Variants in WWOX observed in about 807,000 individuals in gnomAD.
WWOX encodes the protein WW domain containing oxidoreductase.
WWOX carries 69 observed loss-of-function variants against 46.2 expected under a neutral mutation model. That is an observed-to-expected ratio of 1.49 (90% CI 1.23 to 1.82). WWOX has a LOEUF of 1.82. Ranked by LOEUF, WWOX falls within the 40% of genes most tolerant of loss-of-function variation. WWOX has a pLI of 0.00. For synonymous variants in WWOX, 359 were observed against 202.6 expected, an observed-to-expected ratio of 1.77 and a Z score of -6.56; for missense variants, 919 against 542.6, an observed-to-expected ratio of 1.69 and a Z score of -6.89.
chr16:78,677,039 T>C (rs899452098), intron 8 of WWOX, among the ~76,000 whole-genome samples: 2 of 149,076 alleles, frequency 1.3e-5, no homozygotes, highest in Middle Eastern at 3.4e-3. Flanking sequence ...AAGCAGTTTT[T>C]ATGAATACCT....
intron 8 of WWOX, among the ~76,000 whole-genome samples, chr16:78,748,909 G>A (rs1199430548): frequency 6.6e-6 from 1 of 152,224 alleles, no homozygotes; most frequent in Non-Finnish European, 1.5e-5. Flanking sequence ...CTGACACATG[G>A]TCTCTTATTT....
chr16:78,773,737 G>C (rs1249718435), intron 8 of WWOX, among the ~76,000 whole-genome samples: 2 of 152,218 alleles, frequency 1.3e-5, no homozygotes, highest in African/African-American at 4.8e-5. Context: ...GGAGTCCCTG[G>C]AAGGTGGGCA....
chr16:78,789,861 A>G (rs1367901096), intron 8 of WWOX, among the ~76,000 whole-genome samples: 19 of 152,184 alleles, frequency 1.2e-4, no homozygotes, highest in Admixed American at 1.2e-3. Context: ...ACCATATGGC[A>G]GCATGGTTAG....
At chr16:78,863,683 A>T (rs1335982651) in intron 8 of WWOX, among the ~76,000 whole-genome samples, 1 of 152,196 alleles carries the variant, frequency 6.6e-6, no homozygotes. Flanking sequence ...CGCACACAGC[A>T]AGTGCTCAGT....
intron 8 of WWOX, among the ~76,000 whole-genome samples, chr16:79,023,645 C>T (rs1398831350): frequency 2.0e-5 from 3 of 152,094 alleles, no homozygotes; most frequent in Non-Finnish European, 2.9e-5. Context: ...TTACGCTGGA[C>T]GTGGTGGCTT....
At chr16:78,405,030 C>A (rs2082494642) in intron 6 of WWOX, among the ~76,000 whole-genome samples, 1 of 152,150 alleles carries the variant, frequency 6.6e-6, no homozygotes, top group South Asian at 2.1e-4. Context: ...TTTTACATTT[C>A]CCCCTATTTA....
At chr16:78,389,967 C>T (rs971150967) in intron 6 of WWOX, among the ~76,000 whole-genome samples, 1 of 152,102 alleles carries the variant, frequency 6.6e-6, no homozygotes, top group Non-Finnish European at 1.5e-5. Flanking sequence ...CCAGGCTAGT[C>T]AACTCCTGAC....
At chr16:78,803,433 G>A (rs564004577) in intron 8 of WWOX, among the ~76,000 whole-genome samples, 2 of 152,132 alleles carry the variant, frequency 1.3e-5, no homozygotes, top group South Asian at 2.1e-4. Context: ...AAAGTATTAC[G>A]TGGGTTTCAA....
At chr16:78,377,874 T>C (rs1200997640) in intron 5 of WWOX, among the ~76,000 whole-genome samples, 6 of 152,196 alleles carry the variant, frequency 3.9e-5, no homozygotes, top group African/African-American at 7.2e-5. Flanking sequence ...CCTATAGATA[T>C]TGACACGGTT....
chr16:78,338,485 T>C (rs765934078), intron 5 of WWOX, among the ~76,000 whole-genome samples: 3 of 121,846 alleles, frequency 2.5e-5, no homozygotes, highest in East Asian at 1.9e-4. Context: ...GTTATCTTTA[T>C]GGAGTTAAGG....
At chr16:78,505,587 C>G (rs2085177874) in intron 8 of WWOX, among the ~76,000 whole-genome samples, 1 of 152,186 alleles carries the variant, frequency 6.6e-6, no homozygotes, top group Admixed American at 6.5e-5. Context: ...TGCCCTACCT[C>G]TTGGGGCCAG....
intron 8 of WWOX, among the ~76,000 whole-genome samples, chr16:78,799,744 G>T (rs1567568617): frequency 1.3e-5 from 2 of 152,164 alleles, no homozygotes; most frequent in African/African-American, 4.8e-5. Context: ...TACACAAATG[G>T]AGAGAGGGGG....
chr16:79,122,391 A>G (rs2150678273), intron 8 of WWOX, among the ~76,000 whole-genome samples: 1 of 152,308 alleles, frequency 6.6e-6, no homozygotes, highest in Non-Finnish European at 1.5e-5. Flanking sequence ...ATCCTCCAAT[A>G]TTAAGAACGG....
At chr16:78,632,091 A>G (rs1201808254) in intron 8 of WWOX, among the ~76,000 whole-genome samples, 1 of 152,200 alleles carries the variant, frequency 6.6e-6, no homozygotes, top group Admixed American at 6.5e-5. Context: ...CCAAACTAGC[A>G]AATTCGCAAG....
At chr16:78,212,294 G>A (rs1321584201) in intron 5 of WWOX, among the ~76,000 whole-genome samples, 1 of 152,198 alleles carries the variant, frequency 6.6e-6, no homozygotes, top group Non-Finnish European at 1.5e-5. Flanking sequence ...TAGGCTGGTA[G>A]GAATAGATGT....
chr16:79,165,448 T>C (rs1377041780), intron 8 of WWOX, among the ~76,000 whole-genome samples: 1 of 152,174 alleles, frequency 6.6e-6, no homozygotes, highest in Non-Finnish European at 1.5e-5. Context: ...TATTGCTTCA[T>C]AAATGTCTAT....
Position 78,468,427 on chromosome 16 carries a change from A to C in WWOX, c.1056+35675A>C, listed in dbSNP as rs1471664829. ...AAAGAGAATTGCACAGAGGAACACC[A>C]CCTATCAGAGTTCACACTGAGTTTG... On this transcript the variant is annotated intron_variant, in intron 8 of 8. Coordinates refer to ENST00000566780, the MANE Select transcript of WWOX (RefSeq NM_016373.4). Among the ~76,000 whole-genome samples, 6 of 151,916 alleles carry C rather than the reference A, an allele frequency of 3.9e-5. No homozygotes were observed. The East Asian group carries it at 1.2e-3, about 29-fold the overall frequency.
chr16:78,866,826 T>A (rs1208339393), intron 8 of WWOX, among the ~76,000 whole-genome samples: 1 of 152,224 alleles, frequency 6.6e-6, no homozygotes, highest in East Asian at 1.9e-4. Context: ...TACTGGCCTT[T>A]CCAGTTTTTC....
chr16:78,487,015 C>T (rs894774805), intron 8 of WWOX, among the ~76,000 whole-genome samples: 3 of 152,144 alleles, frequency 2.0e-5, no homozygotes, highest in African/African-American at 2.4e-5. Context: ...TAAGTGTCCT[C>T]GACAGCGAGC....
Sources: gnomAD v4.1 joint callset for allele counts (sites outside exome capture counted in the v4.1 genomes callset) on GRCh38, gnomAD v4.1.1 for gene constraint, MANE v1.5 for transcripts, NCBI Gene and HGNC (gene_info 2026-07-23, HGNC 2026-07-21) for gene names.